Variants in ZBTB5 observed in about 807,000 individuals in gnomAD.
ZBTB5 encodes zinc finger and BTB domain-containing protein 5.
Under a neutral mutation model 37.9 loss-of-function variants are expected in ZBTB5, and 15 were observed. The ratio of observed to expected loss-of-function variants is 0.40; its 90% CI spans 0.26 to 0.61. The LOEUF is 0.61. ZBTB5 is among the 20% of genes least tolerant of loss of function. The pLI is 0.47. For missense variants in ZBTB5, 708 were observed against 856.8 expected (o/e 0.83, Z 2.17); for synonymous variants, 315 against 312.4 (o/e 1.01, Z -0.09).
rs1554750595 is a variant in ZBTB5 at position 37,440,910 on chromosome 9, CG to C, written c.1641del (p.Val548SerfsTer15). On this transcript the variant is annotated frameshift_variant, in exon 2 of 2. Transcript: ENST00000307750. LOFTEE classifies it high-confidence loss of function. ...RIAPKMPVVT[S>X]VRSSQIPENS... ...TTTTCTGGGATCTGTGAGCTCCTGA[CG>C]GAAGTTACAACTGGCATTTTGGGAG... The C allele has an allele frequency of 6.2e-7, 1 of 1,614,004 alleles. No homozygotes were observed. Among genetic ancestry groups the C allele is most frequent in the Non-Finnish European group, 8.5e-7 (1 of 1,180,026 alleles).
chr9:37,464,974 GC>G (rs1824364679), intron 1 of ZBTB5, among the ~76,000 whole-genome samples: 1 of 152,220 alleles, frequency 6.6e-6, no homozygotes, highest in Non-Finnish European at 1.5e-5. Context: ...AGGAGTACCA[GC>G]CCCCGCCCCA....
intron 1 of ZBTB5, among the ~76,000 whole-genome samples, chr9:37,450,311 T>C (rs1564312106): frequency 6.6e-6 from 1 of 151,838 alleles, no homozygotes; most frequent in East Asian, 1.9e-4. Context: ...CGAAGCTGCT[T>C]CAAAAAAAAA....
At position 37,442,128 on chromosome 9, in the gene ZBTB5, G is replaced by A. The variant is rs775683324; in HGVS notation, c.424C>T (p.Arg142Cys). Reference protein sequence around the residue: ...RVQEQSARMQRSFMLQQLGLS... With the variant: ...RVQEQSARMQCSFMLQQLGLS... ...CCCAGCTGCTGTAGCATAAAGGAGC[G>A]CTGCATGCGGGCGCTCTGCTCCTGA... is the stretch of plus-strand genomic sequence containing the variant. The change falls in exon 2 of 2, where the codon CGC becomes TGC. Residue 142 changes from arginine to cysteine, a missense_variant. Physicochemically the swap from Arg to Cys is radical, Grantham distance 180. This residue lies in a region of ZBTB5 where 639 missense variants were observed against 690.5 expected (regional missense o/e 0.93). Coordinates refer to ENST00000307750, the MANE Select transcript of ZBTB5 (RefSeq NM_014872.3). 1.1e-5 allele frequency: 18 copies of A among 1,614,066 alleles called. No homozygotes were observed. The highest frequency in any genetic ancestry group is 1.6e-4 in the Middle Eastern group (1 of 6,084).
chr9:37,453,183 G>A (rs1368012186), intron 1 of ZBTB5, among the ~76,000 whole-genome samples: 1 of 152,130 alleles, frequency 6.6e-6, no homozygotes, highest in African/African-American at 2.4e-5. Context: ...ATGTCTGTCT[G>A]TCTGTCTCTC....
chr9:37,457,855 T>C (rs569276024), intron 1 of ZBTB5, among the ~76,000 whole-genome samples: 1 of 152,262 alleles, frequency 6.6e-6, no homozygotes, highest in South Asian at 2.1e-4. Context: ...GGCTGGAAAA[T>C]AGTATGGCTA....
chr9:37,446,325 G>C (rs968887167), intron 1 of ZBTB5, among the ~76,000 whole-genome samples: 2 of 152,138 alleles, frequency 1.3e-5, no homozygotes, highest in Non-Finnish European at 2.9e-5. Flanking sequence ...AGCCTTACAG[G>C]CCAAAGTTGG....
At chr9:37,449,669 A>C (rs1344842324) in intron 1 of ZBTB5, among the ~76,000 whole-genome samples, 1 of 145,104 alleles carries the variant, frequency 6.9e-6, no homozygotes, top group Non-Finnish European at 1.5e-5. Flanking sequence ...ACTGCACTCT[A>C]GTCTGCGCGA....
rs1823760878 is a variant in ZBTB5, at chr9:37,438,251, T to C, written c.*2267A>G. The C allele has an allele frequency of 6.6e-6, 1 of 152,624 alleles. No individual in the cohort carries two copies. The highest frequency in any genetic ancestry group is 6.5e-5 in the Admixed American group (1 of 15,282). 9.5% of individuals were successfully genotyped at this position (152,624 alleles called of 1,614,324 possible). On this transcript the variant is annotated 3_prime_UTR_variant, in exon 2 of 2. Coordinates refer to ENST00000307750, the MANE Select transcript of ZBTB5 (RefSeq NM_014872.3). ...AAGATTCTACATGATCACGCCAGAC[T>C]ATAATTAAGGCTAACCAATCAAAAT...
At chr9:37,461,502 C>T (rs1257689282) in intron 1 of ZBTB5, among the ~76,000 whole-genome samples, 4 of 152,146 alleles carry the variant, frequency 2.6e-5, no homozygotes, top group Admixed American at 2.6e-4. Context: ...CCAAGGCAGT[C>T]GGATCACCTG....
In ZBTB5 at chr9:37,441,414, A is replaced by G; in HGVS notation, c.1138T>C (p.Ser380Pro). ...LSPESSDRSF[S>P]DPQSSTDRVG... The stretch of plus-strand genomic sequence containing the variant: ...CTGTCTGTGCTAGACTGGGGATCTG[A>G]AAAACTCCGATCACTGCTTTCAGGG... The change falls in exon 2 of 2, where the codon TCA becomes CCA. Residue 380 changes from serine (S) to proline (P), a missense_variant. Ser to Pro is a moderately conservative substitution (Grantham distance 74). Transcript: ENST00000307750. 1 of 1,613,862 alleles carries G rather than the reference A, an allele frequency of 6.2e-7. No individual in the cohort carries two copies. The highest frequency in any genetic ancestry group is 2.2e-5 in the East Asian group (1 of 44,862).
In ZBTB5 at chr9:37,462,021, T is replaced by C. The variant is rs367572746; in HGVS notation, c.-5+3194A>G. Among the ~76,000 whole-genome samples the C allele has an allele frequency of 1.0e-3, 155 of 152,290 alleles. 4 individuals carry two copies. The South Asian group carries it at 0.03, about 30-fold the overall frequency. On this transcript the variant is annotated intron_variant, in intron 1 of 1. Coordinates refer to ENST00000307750, the MANE Select transcript of ZBTB5 (RefSeq NM_014872.3). ...GGTACAAAAGTCTCTTTATGGGGGA[T>C]AGGCAGCCAGGATTTTACTATGTTG...
chr9:37,455,566 C>T (rs1824171827), intron 1 of ZBTB5, among the ~76,000 whole-genome samples: 1 of 152,210 alleles, frequency 6.6e-6, no homozygotes, highest in South Asian at 2.1e-4. Context: ...CCCTAGATGC[C>T]ACCGTGGGGC....
chr9:37,451,980 G>C (rs192045824), intron 1 of ZBTB5, among the ~76,000 whole-genome samples: 1 of 152,334 alleles, frequency 6.6e-6, no homozygotes, highest in Admixed American at 6.5e-5. Flanking sequence ...TGGGGAAGTT[G>C]CAACTCTTAT....
At chr9:37,454,337 T>G (rs1304212004) in intron 1 of ZBTB5, among the ~76,000 whole-genome samples, 10 of 152,142 alleles carry the variant, frequency 6.6e-5, no homozygotes, top group Admixed American at 5.9e-4. Context: ...ATTAAGAGTT[T>G]TACCCAAAGC....
intron 1 of ZBTB5, among the ~76,000 whole-genome samples, chr9:37,453,380 A>G (rs1230263697): frequency 1.3e-5 from 2 of 151,830 alleles, no homozygotes; most frequent in Non-Finnish European, 2.9e-5. Context: ...AAGGTTCCCT[A>G]TGATGGCCAG....
In ZBTB5 at chr9:37,442,439, T is replaced by C; in HGVS notation, c.113A>G (p.His38Arg). 1.2e-6 allele frequency: 2 copies of C among 1,614,054 alleles called. No homozygotes were observed. The highest frequency in any genetic ancestry group is 1.1e-5 in the South Asian group (1 of 91,064). Residue 38 changes from histidine to arginine, a missense_variant, in exon 2 of 2, where the codon CAC becomes CGC. Physicochemically the swap from His to Arg is conservative, Grantham distance 29. Around this residue, in one of 3 missense-constraint regions of ZBTB5, gnomAD observed 27 missense variants for 58.4 expected, o/e 0.46. Coordinates refer to ENST00000307750, the MANE Select transcript of ZBTB5 (RefSeq NM_014872.3). The stretch of plus-strand genomic sequence containing the variant: ...GCTGCATGCTGCCAGCACGGAGCGG[T>C]GGGCTTTAAAGTGTCTATTCCCCAC... ...IVVGNRHFKA[H>R]RSVLAACSTH... is the part of the protein sequence containing the mutation.
At chr9:37,464,428 A>G (rs1485044619) in intron 1 of ZBTB5, among the ~76,000 whole-genome samples, 1 of 152,226 alleles carries the variant, frequency 6.6e-6, no homozygotes. Context: ...TTTTTCCTCC[A>G]AATTATTTAG....
chr9:37,456,215 T>C (rs1824185710), intron 1 of ZBTB5, among the ~76,000 whole-genome samples: 1 of 152,140 alleles, frequency 6.6e-6, no homozygotes, highest in African/African-American at 2.4e-5. Context: ...CCTCCCAAAG[T>C]GCTGGGATTA....
chr9:37,450,682 T>C (rs568490421), intron 1 of ZBTB5, among the ~76,000 whole-genome samples: 19 of 152,100 alleles, frequency 1.2e-4, no homozygotes, highest in African/African-American at 1.9e-4. Context: ...CTGGCCAGCA[T>C]GGTGAAACCC....
Sources: allele counts gnomAD v4.1 joint callset (sites outside exome capture counted in the v4.1 genomes callset), GRCh38; gene constraint gnomAD v4.1.1; regional missense constraint gnomAD v4.1.1; transcripts MANE v1.5; gene names NCBI Gene and HGNC (gene_info 2026-07-23, HGNC 2026-07-21).